The following STRN3 variants were observed in gnomAD, a reference collection of about 807,000 sequenced individuals.
STRN3 encodes the protein striatin-3.
In STRN3, 29 loss-of-function variants were observed where a neutral mutation model predicts 95.6. That is an observed-to-expected ratio of 0.30 (90% CI 0.23 to 0.41). STRN3 has a LOEUF of 0.41. Ranked by LOEUF, STRN3 falls within the 10% of genes least tolerant of loss-of-function variation. The probability of loss-of-function intolerance (pLI) is 1.00; values close to 1 mark genes in which losing one functional copy is unlikely to be tolerated. For missense variants in STRN3, 890 were observed against 972.1 expected (o/e 0.92, Z 1.12); for synonymous variants, 331 against 357.6 (o/e 0.93, Z 0.84).
intron 1 of STRN3, among the ~76,000 whole-genome samples, chr14:31,003,094 T>C (rs548242631): frequency 3.3e-5 from 5 of 151,862 alleles, no homozygotes; most frequent in Admixed American, 3.3e-4. Context: ...AAACCCCGTC[T>C]CTATCAAAAA....
chr14:31,021,691 C>G (rs8021378), intron 1 of STRN3, among the ~76,000 whole-genome samples: 11,207 of 152,152 alleles, frequency 0.074, 495 homozygotes, highest in Non-Finnish European at 0.095. Context: ...CAAAAGAAAA[C>G]AGTTTTGAAG....
chr14:30,912,359 A>T (rs1433039749), intron 10 of STRN3, 177 bp from the exon 11 acceptor site: 1 of 486,368 alleles, frequency 2.1e-6, no homozygotes, highest in African/African-American at 2.0e-5. Context: ...TCATTTAATA[A>T]TAACTCAGAA....
At chr14:31,019,768 G>A (rs1309281156) in intron 1 of STRN3, among the ~76,000 whole-genome samples, 1 of 151,864 alleles carries the variant, frequency 6.6e-6, no homozygotes, top group East Asian at 1.9e-4. Flanking sequence ...TATATGCAAA[G>A]GGGACTATAC....
chr14:30,985,495 T>C (rs1881642579), intron 1 of STRN3, among the ~76,000 whole-genome samples: 2 of 151,852 alleles, frequency 1.3e-5, no homozygotes, highest in Non-Finnish European at 1.5e-5. Context: ...TTCCAGCTAC[T>C]TGGGAGGCTG....
chr14:30,968,286 CA>C (rs71112363), intron 1 of STRN3, among the ~76,000 whole-genome samples: 18,608 of 82,852 alleles, frequency 0.22, 1,130 homozygotes, highest in Middle Eastern at 0.31. Context: ...TTATCATCTT[CA>C]AAAAAAAAAA....
chr14:31,015,249 C>A (rs1317185724), intron 1 of STRN3, among the ~76,000 whole-genome samples: 1 of 152,218 alleles, frequency 6.6e-6, no homozygotes, highest in Non-Finnish European at 1.5e-5. Flanking sequence ...CTGGTTTCCA[C>A]AGGTATGAGT....
chr14:30,916,350 C>T (rs1181929822), intron 9 of STRN3, among the ~76,000 whole-genome samples: 4 of 151,124 alleles, frequency 2.6e-5, no homozygotes, highest in Non-Finnish European at 5.9e-5. Flanking sequence ...TCTCGGCTCA[C>T]TGCAAGCTCT....
intron 9 of STRN3, among the ~76,000 whole-genome samples, chr14:30,917,405 G>C (rs947986597): frequency 3.3e-5 from 5 of 152,064 alleles, no homozygotes; most frequent in Admixed American, 3.3e-4. Flanking sequence ...ACATTTAAAA[G>C]GGTCCACATT....
chr14:30,919,771 T>A (rs2139016283), intron 8 of STRN3, among the ~76,000 whole-genome samples: 1 of 152,184 alleles, frequency 6.6e-6, no homozygotes, highest in East Asian at 1.9e-4. Flanking sequence ...AGCACTGTCA[T>A]AAGCCATAAA....
chr14:31,006,936 T>C (rs1882745935), intron 1 of STRN3, among the ~76,000 whole-genome samples: 1 of 152,014 alleles, frequency 6.6e-6, no homozygotes, highest in South Asian at 2.1e-4. Context: ...ATAACTGCAC[T>C]TCTGAATGGC....
intron 6 of STRN3, among the ~76,000 whole-genome samples, chr14:30,935,866 A>AT (rs1878790975): frequency 6.6e-6 from 1 of 152,102 alleles, no homozygotes; most frequent in Non-Finnish European, 1.5e-5. Context: ...GAACACTGTC[A>AT]TTTTTTTCTT....
At chr14:30,912,209 T>C (rs1409004572) in intron 10 of STRN3, 27 bp from the exon 11 acceptor site, 2 of 1,601,884 alleles carry the variant, frequency 1.2e-6, no homozygotes, top group African/African-American at 1.3e-5. Context: ...CAATATTTAG[T>C]GGTAAAAGTA....
At chr14:30,918,892 C>T (rs1896808929) in intron 9 of STRN3, 74 bp downstream of exon 9, 2 of 1,362,956 alleles carry the variant, frequency 1.5e-6, no homozygotes, top group Non-Finnish European at 1.9e-6. Context: ...TAACAGTAGC[C>T]TAGTTGCATT....
chr14:30,973,052 T>C (rs1880911611), intron 1 of STRN3, among the ~76,000 whole-genome samples: 1 of 151,924 alleles, frequency 6.6e-6, no homozygotes, highest in African/African-American at 2.4e-5. Context: ...CTACAAAAAA[T>C]ACAAAAATCA....
Position 31,026,190 on chromosome 14 carries a change from T to A in STRN3, c.-5A>T, listed in dbSNP as rs1358027395. 2 of 1,429,368 alleles carry A rather than the reference T, an allele frequency of 1.4e-6. No individual in the cohort carries two copies. The highest frequency in any genetic ancestry group is 1.8e-6 in the Non-Finnish European group (2 of 1,101,632). 88.5% of individuals were successfully genotyped at this position (1,429,368 alleles called of 1,614,324 possible). On this transcript the variant is annotated 5_prime_UTR_variant, in exon 1 of 18. Transcript: ENST00000357479. ...GCCTCCGGCAAGCTCGTCCATTGTG[T>A]GTGGGGCCCCGGCCGGGGCGCAGGG...
intron 1 of STRN3, among the ~76,000 whole-genome samples, chr14:30,961,178 ATGT>A (rs1227363254): frequency 6.6e-6 from 1 of 152,210 alleles, no homozygotes; most frequent in African/African-American, 2.4e-5. Flanking sequence ...AAAACTAAAA[ATGT>A]TTTTTAAAGT....
chr14:30,995,945 T>C (rs1882177677), intron 1 of STRN3, among the ~76,000 whole-genome samples: 1 of 152,292 alleles, frequency 6.6e-6, no homozygotes, highest in Non-Finnish European at 1.5e-5. Context: ...TCCTCCAAAG[T>C]GGCCTCCATC....
chr14:30,974,260 C>T (rs1466008737), intron 1 of STRN3, among the ~76,000 whole-genome samples: 2 of 152,096 alleles, frequency 1.3e-5, no homozygotes, highest in African/African-American at 4.8e-5. Context: ...ACAGAAAAAT[C>T]AGTTTCATTT....
In STRN3 at chr14:30,922,758, TTTA is replaced by T. The variant is rs1169214465; in HGVS notation, c.1100-3655_1100-3653del. Among the ~76,000 whole-genome samples the T allele has an allele frequency of 1.3e-4, 20 of 152,322 alleles. No homozygotes were observed. In the East Asian group the frequency reaches 2.3e-3, roughly 18 times the overall value. On this transcript the variant is annotated intron_variant, in intron 8 of 17. Coordinates refer to ENST00000357479, the MANE Select transcript of STRN3 (RefSeq NM_001083893.2). ...TTAAAGCTTTCACAGCTTTATTTAA[TTTA>T]TTTAAGACAATTGTTGTCTTAAATA...
Sources: allele counts gnomAD v4.1 joint callset (sites outside exome capture counted in the v4.1 genomes callset), GRCh38; gene constraint gnomAD v4.1.1; transcripts MANE v1.5; gene names NCBI Gene and HGNC (gene_info 2026-07-23, HGNC 2026-07-21).